The following CDH18 variants were observed in gnomAD, a reference collection of about 807,000 sequenced individuals.
The protein encoded by CDH18 is cadherin 18.
Under a neutral mutation model 67.9 loss-of-function variants are expected in CDH18, and 31 were observed. The ratio of observed to expected loss-of-function variants is 0.46; its 90% CI spans 0.34 to 0.62. The LOEUF is 0.62. CDH18 is among the 20% of genes least tolerant of loss of function. The pLI, the probability that CDH18 is intolerant of heterozygous loss-of-function variation, is 0.01. For synonymous variants in CDH18, 362 were observed against 347.2 expected (o/e 1.04, Z -0.48); for missense variants, 890 against 975.5 (o/e 0.91, Z 1.17).
At chr5:20,274,319 C>T (rs369234182) in intron 1 of CDH18, among the ~76,000 whole-genome samples, 16 of 152,094 alleles carry the variant, frequency 1.1e-4, no homozygotes, top group African/African-American at 2.2e-4. Context: ...ATAAAGTACA[C>T]GCAGCATGGC....
intron 2 of CDH18, among the ~76,000 whole-genome samples, chr5:19,881,781 C>T (rs1787680180): frequency 6.6e-6 from 1 of 152,088 alleles, no homozygotes; most frequent in South Asian, 2.1e-4. Flanking sequence ...GCTGGGGTTA[C>T]AGGCATGAGC....
intron 3 of CDH18, among the ~76,000 whole-genome samples, chr5:19,782,192 C>T (rs1012057115): frequency 2.6e-5 from 4 of 152,048 alleles, no homozygotes; most frequent in Non-Finnish European, 5.9e-5. Context: ...CCTCAGGAGA[C>T]TCACAATCAT....
intron 1 of CDH18, among the ~76,000 whole-genome samples, chr5:20,457,431 G>A (rs1750914496): frequency 1.3e-5 from 2 of 152,212 alleles, no homozygotes; most frequent in South Asian, 4.1e-4. Context: ...GTAAGTGGAT[G>A]GTACCGATGA....
chr5:20,134,463 A>C (rs7731287), intron 2 of CDH18, among the ~76,000 whole-genome samples: 148,037 of 152,240 alleles, frequency 0.97, 72,118 homozygotes, highest in Middle Eastern at 1. Flanking sequence ...CTAGCATTTT[A>C]TTTTGATTCA....
chr5:19,838,607 C>T (rs1561411539), intron 3 of CDH18, 152 bp downstream of exon 3: 4 of 608,776 alleles, frequency 6.6e-6, no homozygotes, highest in Non-Finnish European at 8.7e-6. Context: ...ATTTTGAGCT[C>T]TCTAGTATAA....
rs202130030 is a variant in CDH18 at position 20,419,462 on chromosome 5, G to GTTTTTTTTTTTT, written c.-580+155988_-580+155999dup. Among the ~76,000 whole-genome samples the GTTTTTTTTTTTT allele has an allele frequency of 2.5e-4, 19 of 75,656 alleles. 3 individuals are homozygous for GTTTTTTTTTTTT. The highest frequency in any genetic ancestry group is 9.7e-4 in the African/African-American group (16 of 16,470). The allele number at this position is 75,656 out of a possible 152,430, so 49.6% of individuals were successfully genotyped here. On this transcript the variant is annotated intron_variant, in intron 1 of 14. Transcript: ENST00000507958. ...CCAACCACCCAGGGTATGGGACTCT[G>GTTTTTTTTTTTT]TTTTTTTTTTTTTTTTTTTTTTTTT... is the stretch of plus-strand genomic sequence containing the variant.
At chr5:20,548,466 TATACACACACA>T (rs2126612595) in intron 1 of CDH18, among the ~76,000 whole-genome samples, 1 of 151,328 alleles carries the variant, frequency 6.6e-6, no homozygotes, top group Admixed American at 6.6e-5. Context: ...TGTGTGTGTG[TATACACACACA>T]CAAATGTATT....
intron 4 of CDH18, among the ~76,000 whole-genome samples, chr5:19,731,354 G>A (rs909395796): frequency 3.9e-5 from 6 of 152,234 alleles, no homozygotes; most frequent in African/African-American, 1.2e-4. Flanking sequence ...GGGAGGCTGA[G>A]GCAGGAGAAT....
intron 1 of CDH18, among the ~76,000 whole-genome samples, chr5:20,399,085 TG>T (rs1250389272): frequency 6.6e-6 from 1 of 152,082 alleles, no homozygotes; most frequent in Non-Finnish European, 1.5e-5. Context: ...AAATGAACCA[TG>T]GAAAGTCTGA....
chr5:19,561,579 C>T (rs1739460759), intron 8 of CDH18, among the ~76,000 whole-genome samples: 1 of 151,862 alleles, frequency 6.6e-6, no homozygotes, highest in Non-Finnish European at 1.5e-5. Flanking sequence ...GATGGGTGCA[C>T]CAAAATATTA....
intron 10 of CDH18, among the ~76,000 whole-genome samples, chr5:19,516,680 G>A (rs1045647274): frequency 2.0e-5 from 3 of 151,940 alleles, no homozygotes; most frequent in Admixed American, 2.0e-4. Flanking sequence ...TATTTCTGTG[G>A]GATCGGTAGT....
At chr5:20,224,775 A>C (rs2126468456) in intron 2 of CDH18, among the ~76,000 whole-genome samples, 1 of 152,166 alleles carries the variant, frequency 6.6e-6, no homozygotes, top group Admixed American at 6.6e-5. Context: ...CTGTAAATTT[A>C]TTTTTTCTAA....
chr5:20,401,842 C>T (rs1304111787), intron 1 of CDH18, among the ~76,000 whole-genome samples: 1 of 152,068 alleles, frequency 6.6e-6, no homozygotes, highest in East Asian at 1.9e-4. Flanking sequence ...TTAATTTGTT[C>T]ATATTGACCA....
chr5:20,573,888 AAAAG>A (rs1758962953), intron 1 of CDH18, among the ~76,000 whole-genome samples: 5 of 124,926 alleles, frequency 4.0e-5, no homozygotes, highest in African/African-American at 1.7e-4. Context: ...TTATATATAT[AAAAG>A]AAATATATAT....
chr5:19,759,613 T>C (rs1385243058), intron 3 of CDH18, among the ~76,000 whole-genome samples: 1 of 152,178 alleles, frequency 6.6e-6, no homozygotes, highest in Non-Finnish European at 1.5e-5. Flanking sequence ...CTACTTTAAC[T>C]GGAGGACCAC....
intron 2 of CDH18, among the ~76,000 whole-genome samples, chr5:19,935,745 A>T (rs1376615239): frequency 6.7e-6 from 1 of 149,690 alleles, no homozygotes; most frequent in Admixed American, 6.7e-5. Context: ...AAGAATCTTA[A>T]TGTATTGGTT....
At position 19,517,469 on chromosome 5, in the gene CDH18, A is replaced by G. The variant is rs919109070; in HGVS notation, c.1512+3188T>C. 3.3e-5 allele frequency among the ~76,000 whole-genome samples: 5 copies of G among 152,162 alleles called. No individual in the cohort carries two copies. In the South Asian group the frequency reaches 6.2e-4, roughly 19 times the overall value. On this transcript the variant is annotated intron_variant, in intron 10 of 12. Transcript: ENST00000382275. ...AACTGTTAAAGTTTGATGAAATTCA[A>G]TTTATCACTGTTTCCTTTTATGGAT... is the stretch of plus-strand genomic sequence containing the variant.
intron 5 of CDH18, among the ~76,000 whole-genome samples, chr5:19,674,569 A>G (rs1308455877): frequency 1.3e-5 from 2 of 152,140 alleles, no homozygotes; most frequent in Non-Finnish European, 2.9e-5. Context: ...AATGGTAAGT[A>G]GTCAATTGAC....
intron 1 of CDH18, among the ~76,000 whole-genome samples, chr5:20,503,725 T>C (rs1047865564): frequency 6.6e-6 from 1 of 152,126 alleles, no homozygotes; most frequent in Non-Finnish European, 1.5e-5. Context: ...AAACACATTT[T>C]GACATGTGCA....
Sources: allele counts gnomAD v4.1 joint callset (sites outside exome capture counted in the v4.1 genomes callset), GRCh38; gene constraint gnomAD v4.1.1; transcripts MANE v1.5; gene names NCBI Gene and HGNC (gene_info 2026-07-23, HGNC 2026-07-21).